The following TENM3 variants were observed in gnomAD, a reference collection of about 807,000 sequenced individuals.
TENM3 encodes teneurin-3.
TENM3 carries 63 observed loss-of-function variants against 255.1 expected under a neutral mutation model. The observed-to-expected ratio is 0.25, with a 90% CI of 0.20 to 0.30. The LOEUF is 0.30. TENM3 is among the 10% of genes least tolerant of loss of function. TENM3 has a pLI of 1.00. For missense variants in TENM3, 2,929 were observed against 3,461.1 expected (o/e 0.85, Z 3.86); for synonymous variants, 1,306 against 1,322.3 (o/e 0.99, Z 0.27).
the TENM3 span, among the ~76,000 whole-genome samples, chr4:181,496,702 C>A: frequency 6.6e-6 from 1 of 152,156 alleles, no homozygotes; most frequent in African/African-American, 2.4e-5. Flanking sequence ...CAAATGAATT[C>A]ATTAAGACCA....
Position 182,790,280 on chromosome 4 carries a change from G to A in TENM3, c.5601+891G>A, listed in dbSNP as rs78140327. 7.5e-3 allele frequency among the ~76,000 whole-genome samples: 1,142 copies of A among 151,926 alleles called. 18 individuals are homozygous for A. Among genetic ancestry groups the A allele is most frequent in the African/African-American group, 0.026 (1,072 of 41,464 alleles). Reference sequence around the variant, plus strand: ...CAGCAGCGCGTGCTACACACTACTCGGCAGTTACTGTTCCACCCCTCCTGA... The same window carrying A: ...CAGCAGCGCGTGCTACACACTACTCAGCAGTTACTGTTCCACCCCTCCTGA... On this transcript the variant is annotated intron_variant, in intron 25 of 27. Coordinates refer to ENST00000511685, the MANE Select transcript of TENM3 (RefSeq NM_001080477.4).
At chr4:181,883,124 A>ATATTTTTTTTTTTTTTTTTTTTTTT in the TENM3 span, among the ~76,000 whole-genome samples, 1 of 48,506 alleles carries the variant, frequency 2.1e-5, no homozygotes, top group East Asian at 3.2e-4. Flanking sequence ...TTTGCAATTA[A>ATATTTTTTTTTTTTTTTTTTTTTTT]TCTTTTTTTT....
At chr4:182,610,824 A>G (rs914384892) in intron 4 of TENM3, among the ~76,000 whole-genome samples, 2 of 149,662 alleles carry the variant, frequency 1.3e-5, no homozygotes, top group African/African-American at 4.9e-5. Context: ...GCTCACTACA[A>G]CCTTGACCTC....
chr4:181,556,714 G>A, the TENM3 span, among the ~76,000 whole-genome samples: 14 of 152,200 alleles, frequency 9.2e-5, no homozygotes, highest in South Asian at 2.1e-4. Flanking sequence ...ATCCAGAAGC[G>A]TTGATGCATT....
At chr4:181,476,205 GGTTTTT>G in the TENM3 span, among the ~76,000 whole-genome samples, 1 of 98,004 alleles carries the variant, frequency 1.0e-5, no homozygotes, top group African/African-American at 2.9e-5. Flanking sequence ...ACATTTTAGG[GGTTTTT>G]TTTTTTTTTT....
At chr4:181,585,338 T>C in the TENM3 span, among the ~76,000 whole-genome samples, 3 of 152,178 alleles carry the variant, frequency 2.0e-5, no homozygotes, top group African/African-American at 7.2e-5. Flanking sequence ...TCTTACGTGT[T>C]GTTCTTATTT....
At chr4:181,726,610 C>T in the TENM3 span, among the ~76,000 whole-genome samples, 3 of 152,200 alleles carry the variant, frequency 2.0e-5, no homozygotes, top group Non-Finnish European at 2.9e-5. Context: ...CCACAGCAAT[C>T]AACACAGAAT....
chr4:182,712,160 A>C (rs1758797027), intron 12 of TENM3, among the ~76,000 whole-genome samples: 1 of 152,184 alleles, frequency 6.6e-6, no homozygotes, highest in African/African-American at 2.4e-5. Context: ...AGTCTATTAA[A>C]AAAAGAACTG....
chr4:182,652,206 A>G (rs1276915197), intron 5 of TENM3, among the ~76,000 whole-genome samples: 1 of 152,218 alleles, frequency 6.6e-6, no homozygotes, highest in African/African-American at 2.4e-5. Flanking sequence ...ATACAAAGTT[A>G]TATGTCTTAT....
At chr4:181,542,490 G>A in the TENM3 span, among the ~76,000 whole-genome samples, 61 of 152,270 alleles carry the variant, frequency 4.0e-4, no homozygotes, top group African/African-American at 1.4e-3. Context: ...GAGAAGTAAG[G>A]TTACCTGTTA....
intron 6 of TENM3, among the ~76,000 whole-genome samples, chr4:182,667,673 T>G (rs1313576674): frequency 3.3e-5 from 5 of 152,298 alleles, no homozygotes; most frequent in Admixed American, 2.6e-4. Context: ...ATTTCATGTT[T>G]CTTACCTTAT....
the TENM3 span, chr4:182,085,241 C>T: frequency 6.6e-6 from 1 of 152,116 alleles, no homozygotes; most frequent in African/African-American, 2.4e-5. Context: ...GAACTCCAGA[C>T]ATTTGTCATC....
chr4:181,890,837 A>G, the TENM3 span, among the ~76,000 whole-genome samples: 1,605 of 152,282 alleles, frequency 0.011, 24 homozygotes, highest in African/African-American at 0.036. Flanking sequence ...GGGTTGCTCA[A>G]CTACGGAGAA....
chr4:182,163,026 T>A (rs1407166565), intron 1 of TENM3, among the ~76,000 whole-genome samples: 6 of 152,186 alleles, frequency 3.9e-5, no homozygotes, highest in African/African-American at 1.4e-4. Flanking sequence ...TTATCCTGTT[T>A]GTTCACACAT....
the TENM3 span, among the ~76,000 whole-genome samples, chr4:181,736,884 C>G: frequency 1.3e-5 from 2 of 151,460 alleles, no homozygotes; most frequent in South Asian, 4.2e-4. Flanking sequence ...GCTTTCTTGT[C>G]CTGAAGCCGC....
chr4:181,756,563 G>A, the TENM3 span, among the ~76,000 whole-genome samples: 7 of 152,196 alleles, frequency 4.6e-5, no homozygotes, highest in Non-Finnish European at 7.4e-5. Flanking sequence ...GTCGGATGGG[G>A]TTAGGTTTTT....
At chr4:181,984,539 A>T in the TENM3 span, among the ~76,000 whole-genome samples, 1 of 151,932 alleles carries the variant, frequency 6.6e-6, no homozygotes, top group African/African-American at 2.4e-5. Flanking sequence ...ATTTACTCAC[A>T]TTGTGTGTGT....
the TENM3 span, among the ~76,000 whole-genome samples, chr4:181,474,148 C>G: frequency 6.6e-6 from 1 of 151,862 alleles, no homozygotes; most frequent in Admixed American, 6.6e-5. Flanking sequence ...ACATCACACA[C>G]ACACCAGGGC....
At chr4:182,561,506 T>A (rs566607761) in intron 3 of TENM3, among the ~76,000 whole-genome samples, 1 of 151,938 alleles carries the variant, frequency 6.6e-6, no homozygotes, top group East Asian at 1.9e-4. Flanking sequence ...TGGATAGTTT[T>A]AGTTTTTCTC....
Sources: allele counts gnomAD v4.1 joint callset (sites outside exome capture counted in the v4.1 genomes callset), GRCh38; gene constraint gnomAD v4.1.1; transcripts MANE v1.5; gene names NCBI Gene and HGNC (gene_info 2026-07-23, HGNC 2026-07-21).